The following MKKS variants were observed in gnomAD, a reference collection of about 807,000 sequenced individuals.
The protein encoded by MKKS is MKKS centrosomal shuttling protein.
A neutral mutation model predicts 33.2 loss-of-function variants in MKKS; 29 were observed. The observed-to-expected ratio is 0.87, with a 90% CI of 0.65 to 1.19. The LOEUF (loss-of-function observed/expected upper bound fraction) is 1.19, where lower values mean the gene tolerates loss of function less well. MKKS is among the 50% of genes most tolerant of loss of function. MKKS has a pLI of 0.00. For missense variants in MKKS, 661 were observed against 662.3 expected, an observed-to-expected ratio of 1.00 and a Z score of 0.02; for synonymous variants, 260 against 244.0, an observed-to-expected ratio of 1.07 and a Z score of -0.61.
chr20:10,433,680 G>A lies in MKKS; in HGVS notation c.-649+428C>T, dbSNP rs1486759182. Among the ~76,000 whole-genome samples, 5 of 152,086 alleles carry A rather than the reference G, an allele frequency of 3.3e-5. No homozygotes were observed. In the East Asian group the frequency reaches 9.7e-4, roughly 29 times the overall value. On this transcript the variant is annotated intron_variant, in intron 1 of 5. Coordinates refer to ENST00000347364, the MANE Select transcript of MKKS (RefSeq NM_170784.3). ...GGCCACGCTGCACAACGTCTCTAAC[G>A]CCGTCGGAGGGCGGCCCCCACCTCC... is the stretch of plus-strand genomic sequence containing the variant.
At chr20:10,414,531 C>T (rs960044221) in intron 2 of MKKS, among the ~76,000 whole-genome samples, 3 of 152,092 alleles carry the variant, frequency 2.0e-5, no homozygotes, top group Non-Finnish European at 4.4e-5. Context: ...TCCCAAAGTG[C>T]TGGGATTACA....
chr20:10,420,547 T>C lies in MKKS; in HGVS notation c.-437A>G, dbSNP rs2064972661. 1 of 152,234 alleles carries C rather than the reference T, an allele frequency of 6.6e-6. No homozygotes were observed. The highest frequency in any genetic ancestry group is 6.5e-5 in the Admixed American group (1 of 15,278). 9.4% of individuals were successfully genotyped at this position (152,234 alleles called of 1,614,324 possible). A position where few individuals can be genotyped will look rare whatever the true frequency, so the allele number is the denominator to read the frequency against. ...ACTTACCTGAAGATTGCAAGCCTGC[T>C]ACTTCCCCTGGATTTGGCTCTTCTG... On this transcript the variant is annotated 5_prime_UTR_variant, in exon 2 of 6. An upstream open reading frame in the 5' UTR loses its in-frame stop. Transcript: ENST00000347364.
intron 3 of MKKS, among the ~76,000 whole-genome samples, chr20:10,411,901 C>T (rs993117321): frequency 1.3e-5 from 2 of 152,132 alleles, no homozygotes; most frequent in African/African-American, 4.8e-5. Context: ...AATTTTTTGC[C>T]TATTTTAGTT....
rs1426460559 is a variant in MKKS at position 10,401,457 on chromosome 20, A to C, written c.*3790T>G. ...TTCAGATTAAGAGATAGCTTTATTTAGACAGCTGAAACAGGGCCTTGTAGG... is the reference window on the plus strand; with the variant it reads ...TTCAGATTAAGAGATAGCTTTATTTCGACAGCTGAAACAGGGCCTTGTAGG... On this transcript the variant is annotated 3_prime_UTR_variant, in exon 6 of 6. Transcript: ENST00000347364. The C allele has an allele frequency of 6.6e-6, 1 of 152,186 alleles. No homozygotes were observed. The highest frequency in any genetic ancestry group is 1.5e-5 in the Non-Finnish European group (1 of 68,016). The allele number at this position is 152,186 out of a possible 1,614,324, so 9.4% of individuals were successfully genotyped here. A position where few individuals can be genotyped will look rare whatever the true frequency, so the allele number is the denominator to read the frequency against.
At chr20:10,424,176 A>G (rs1167631365) in intron 1 of MKKS, among the ~76,000 whole-genome samples, 1 of 152,160 alleles carries the variant, frequency 6.6e-6, no homozygotes, top group Admixed American at 6.5e-5. Context: ...TCACTGAGCA[A>G]GATGGAATTA....
intron 1 of MKKS, among the ~76,000 whole-genome samples, chr20:10,432,789 CA>C (rs71184200): frequency 0.068 from 5,059 of 74,178 alleles, 92 homozygotes; most frequent in East Asian, 0.21. Flanking sequence ...GACTCTTTGT[CA>C]AAAAAAAAAA....
intron 2 of MKKS, among the ~76,000 whole-genome samples, chr20:10,415,194 G>A (rs1291185144): frequency 1.3e-5 from 2 of 152,182 alleles, no homozygotes; most frequent in African/African-American, 4.8e-5. Flanking sequence ...TATCTGTTGA[G>A]GCCGGGTGTT....
chr20:10,419,517 C>T (rs1388771081), intron 2 of MKKS, among the ~76,000 whole-genome samples: 1 of 152,156 alleles, frequency 6.6e-6, no homozygotes. Context: ...TGTTCCAAGA[C>T]CACCCAGTGG....
intron 1 of MKKS, among the ~76,000 whole-genome samples, chr20:10,428,753 C>T (rs1161026695): frequency 2.0e-5 from 3 of 152,126 alleles, no homozygotes; most frequent in African/African-American, 4.8e-5. Context: ...ACAGGAGAAT[C>T]GCTTGAATCC....
In MKKS at chr20:10,405,659, T is replaced by C. The variant is rs1329883763; in HGVS notation, c.1301A>G (p.Lys434Arg). Reference sequence around the variant, plus strand: ...TTCTGTTTGAGTACATTCATCATCTTTGAGAATGCTTTCTGGGTCGTTGTG... The same window carrying C: ...TTCTGTTTGAGTACATTCATCATCTCTGAGAATGCTTTCTGGGTCGTTGTG... ...KTHNDPESIL[K>R]DDECTQTELQ... The change falls in exon 6 of 6, where the codon AAA (lysine) becomes AGA (arginine). Residue 434 changes from lysine (K) to arginine (R), a missense_variant. Physicochemically the swap from Lys to Arg is conservative, Grantham distance 26. Transcript: ENST00000347364. The C allele has an allele frequency of 4.3e-6, 7 of 1,614,100 alleles. No homozygotes were observed. Among genetic ancestry groups the C allele is most frequent in the African/African-American group, 2.7e-5 (2 of 75,032 alleles).
In MKKS at chr20:10,414,366, A is replaced by C. The variant is rs558393119; in HGVS notation, c.-417-435T>G. Reference sequence around the variant, plus strand: ...CCACAACCTCAGCCTCCTGGGTTCAAGCAATTCTCCTGCCTCACCCTCCTC... The same window carrying C: ...CCACAACCTCAGCCTCCTGGGTTCACGCAATTCTCCTGCCTCACCCTCCTC... On this transcript the variant is annotated intron_variant, in intron 2 of 5. Coordinates refer to ENST00000347364, the MANE Select transcript of MKKS (RefSeq NM_170784.3). 2.0e-5 allele frequency among the ~76,000 whole-genome samples: 3 copies of C among 151,022 alleles called. No homozygotes were observed. In the South Asian group the frequency reaches 6.3e-4, roughly 32 times the overall value.
In MKKS at chr20:10,426,912, G is replaced by A. The variant is rs564194382; in HGVS notation, c.-648-6154C>T. ...TCAGTTTTCTTTAATTTAGTTCTCAGTATAGAATGACAGCAAGAGATTAAT... is the reference window on the plus strand; with the variant it reads ...TCAGTTTTCTTTAATTTAGTTCTCAATATAGAATGACAGCAAGAGATTAAT... On this transcript the variant is annotated intron_variant, in intron 1 of 5. Coordinates refer to ENST00000347364, the MANE Select transcript of MKKS (RefSeq NM_170784.3). 1.6e-3 allele frequency among the ~76,000 whole-genome samples: 241 copies of A among 152,194 alleles called. 1 individual carries two copies. Among genetic ancestry groups the A allele is most frequent in the Middle Eastern group, 0.014 (4 of 294 alleles).
intron 1 of MKKS, among the ~76,000 whole-genome samples, chr20:10,433,571 G>A (rs562333609): frequency 2.0e-5 from 3 of 152,192 alleles, no homozygotes; most frequent in Non-Finnish European, 4.4e-5. Context: ...TTATCGGGGA[G>A]GAAGACGAGC....
chr20:10,417,485 C>T (rs549774574), intron 2 of MKKS, among the ~76,000 whole-genome samples: 60 of 152,256 alleles, frequency 3.9e-4, no homozygotes, highest in African/African-American at 1.4e-3. Flanking sequence ...GTGGCGGATG[C>T]CTATAGTCCC....
chr20:10,425,930 GAT>G (rs1458084959), intron 1 of MKKS, among the ~76,000 whole-genome samples: 1 of 152,118 alleles, frequency 6.6e-6, no homozygotes, highest in Admixed American at 6.5e-5. Flanking sequence ...CATGAAATGA[GAT>G]TAGTAAATTT....
chr20:10,429,966 C>G (rs980646620), intron 1 of MKKS, among the ~76,000 whole-genome samples: 2 of 152,174 alleles, frequency 1.3e-5, no homozygotes, highest in Non-Finnish European at 2.9e-5. Flanking sequence ...AAGTTTGAGA[C>G]CCACTGTTCT....
In MKKS at chr20:10,413,151, GTTTA is replaced by G. The variant is rs750447698; in HGVS notation, c.360_363del (p.Lys121IlefsTer3). On this transcript the variant is annotated frameshift_variant, in exon 3 of 6. Transcript: ENST00000347364. LOFTEE classifies it high-confidence loss of function. Reference sequence around the variant, plus strand: ...TAACTGATGCAAAGACTCAAAAGATGTTTATTTAATCTAATGACAGTGGTGGGTG... The same window carrying G: ...TAACTGATGCAAAGACTCAAAAGATGTTTAATCTAATGACAGTGGTGGGTG... The G allele has an allele frequency of 6.2e-7, 1 of 1,614,126 alleles. No homozygotes were observed. Among genetic ancestry groups the G allele is most frequent in the Non-Finnish European group, 8.5e-7 (1 of 1,180,042 alleles).
At chr20:10,406,884 T>C (rs1312693043) in intron 5 of MKKS, among the ~76,000 whole-genome samples, 2 of 152,198 alleles carry the variant, frequency 1.3e-5, no homozygotes, top group African/African-American at 4.8e-5. Flanking sequence ...TCTAAGTTAT[T>C]TGGGGAAGGA....
chr20:10,433,504 A>C (rs575546846), intron 1 of MKKS, among the ~76,000 whole-genome samples: 1 of 152,324 alleles, frequency 6.6e-6, no homozygotes, highest in South Asian at 2.1e-4. Flanking sequence ...GATGTTAATG[A>C]ATGAATGAAA....
Sources: allele counts gnomAD v4.1 joint callset (sites outside exome capture counted in the v4.1 genomes callset), GRCh38; gene constraint gnomAD v4.1.1; transcripts MANE v1.5; gene names NCBI Gene and HGNC (gene_info 2026-07-23, HGNC 2026-07-21).